Variants in MCM3AP observed in about 807,000 individuals in gnomAD.
MCM3AP encodes minichromosome maintenance complex component 3 associated protein.
In MCM3AP, 126 loss-of-function variants were observed where a neutral mutation model predicts 184.1. The observed-to-expected ratio is 0.68, with a 90% CI of 0.59 to 0.79. The LOEUF is 0.79. Ranked by LOEUF, MCM3AP falls within the 30% of genes least tolerant of loss-of-function variation. The pLI is 0.00. For synonymous variants in MCM3AP, 1,002 were observed against 979.3 expected (o/e 1.02, Z -0.43); for missense variants, 2,496 against 2,479.2 (o/e 1.01, Z -0.14).
chr21:46,265,528 A>C lies in MCM3AP; in HGVS notation c.3032-5T>G. ...ACTCCTCTCCTCTCCCTCCGCCTGGAAGGAAACATACAGGACAAAACATAG... is the reference window on the plus strand; with the variant it reads ...ACTCCTCTCCTCTCCCTCCGCCTGGCAGGAAACATACAGGACAAAACATAG... On this transcript the variant is annotated splice_polypyrimidine_tract_variant and splice_region_variant and intron_variant, in intron 11 of 27. Coordinates refer to ENST00000291688, the MANE Select transcript of MCM3AP (RefSeq NM_003906.5). The C allele has an allele frequency of 6.3e-7, 1 of 1,579,448 alleles. No individual in the cohort carries two copies. Among genetic ancestry groups the C allele is most frequent in the Non-Finnish European group, 8.6e-7 (1 of 1,163,218 alleles).
intron 13 of MCM3AP, 68 bp from the exon 14 acceptor site, chr21:46,261,479 A>T: frequency 6.8e-7 from 1 of 1,469,054 alleles, no homozygotes; most frequent in South Asian, 1.2e-5. Flanking sequence ...TCACGCCTGT[A>T]ATCCCAGCAC....
At position 46,259,010 on chromosome 21, in the gene MCM3AP, G is replaced by A. The variant is rs750493288; in HGVS notation, c.3663C>T (p.Leu1221=). The A allele has an allele frequency of 6.8e-6, 11 of 1,613,956 alleles. No individual in the cohort carries two copies. The highest frequency in any genetic ancestry group is 5.0e-5 in the Admixed American group (3 of 59,972). The part of the protein sequence containing the change: ...DVCAHLVDLF[L]VEEIFQTAKE... ...TTGCAGTCTGGAAGATTTCCTCCAC[G>A]AGAAACAAGTCCACTAAGTGGGCAC... Residue 1221 remains leucine (L), a synonymous_variant, in exon 16 of 28, where the codon CTC becomes CTT. Transcript: ENST00000291688.
At chr21:46,243,004 C>CAAA in intron 24 of MCM3AP, 73 bp from the exon 25 acceptor site, 4 of 1,232,154 alleles carry the variant, frequency 3.2e-6, no homozygotes, top group Non-Finnish European at 4.4e-6. Flanking sequence ...AAAAAACACA[C>CAAA]ACAAAAAAAC....
chr21:46,273,294 T>C (rs1836510685), intron 7 of MCM3AP, 94 bp downstream of exon 7: 4 of 1,240,450 alleles, frequency 3.2e-6, no homozygotes, highest in Non-Finnish European at 4.6e-6. Flanking sequence ...ACATTTTTGT[T>C]ACAGATAAAA....
At chr21:46,242,145 G>C (rs934922348) in intron 25 of MCM3AP, 4 of 152,398 alleles carry the variant, frequency 2.6e-5, no homozygotes, top group African/African-American at 9.7e-5. Flanking sequence ...CTTCCTTTCA[G>C]TATTTGTGCC....
chr21:46,260,949 T>A, intron 14 of MCM3AP, 43 bp from the exon 15 acceptor site: 2 of 1,430,676 alleles, frequency 1.4e-6, no homozygotes, highest in Non-Finnish European at 2.0e-6. Context: ...TGTTTAAGAA[T>A]AAAAATAAGT....
chr21:46,271,615 T>G (rs1408133476), intron 8 of MCM3AP, among the ~76,000 whole-genome samples: 1 of 151,940 alleles, frequency 6.6e-6, no homozygotes, highest in Non-Finnish European at 1.5e-5. Flanking sequence ...TCCCAGCACT[T>G]TGGGAGGCCG....
intron 26 of MCM3AP, among the ~76,000 whole-genome samples, chr21:46,240,501 A>G (rs1465758989): frequency 6.6e-6 from 1 of 152,206 alleles, no homozygotes; most frequent in Non-Finnish European, 1.5e-5. Context: ...GTGGCCAGCC[A>G]TAGTGTTCAG....
chr21:46,273,408 G>A lies in MCM3AP; in HGVS notation c.2176C>T (p.Arg726Cys), dbSNP rs2081210674. ...LRDWYDFVWN[R>C]TRGIRKDITQ... ...AATACCTTCCGTATGCCACGCGTGC[G>A]GTTCCACACGAAGTCATACCAATCC... is the stretch of plus-strand genomic sequence containing the variant. The change falls in exon 7 of 28, where the codon CGC becomes TGC. Residue 726 changes from arginine to cysteine, a missense_variant. Transcript: ENST00000291688. 1.9e-6 allele frequency: 3 copies of A among 1,613,980 alleles called. No homozygotes were observed. Among genetic ancestry groups the A allele is most frequent in the South Asian group, 1.1e-5 (1 of 91,076 alleles).
chr21:46,265,855 C>T lies in MCM3AP; in HGVS notation c.3031+70G>A, dbSNP rs559006687. On this transcript the variant is annotated intron_variant, in intron 11 of 27. Coordinates refer to ENST00000291688, the MANE Select transcript of MCM3AP (RefSeq NM_003906.5). ...GTCCTGGCGAGAAAATGCAGATGCC[C>T]AGGCTCCTGGGAGGCGTTCTGGTGG... is the stretch of plus-strand genomic sequence containing the variant. 84 of 1,495,038 alleles carry T rather than the reference C, an allele frequency of 5.6e-5. 1 individual carries two copies. The South Asian group carries it at 1.0e-3, about 18-fold the overall frequency. The allele number at this position is 1,495,038 out of a possible 1,614,324, so 92.6% of individuals were successfully genotyped here.
At position 46,266,102 on chromosome 21, in the gene MCM3AP, C is replaced by G; in HGVS notation, c.2854G>C (p.Val952Leu). 1 of 1,612,646 alleles carries G rather than the reference C, an allele frequency of 6.2e-7. No homozygotes were observed. Residue 952 changes from valine (V) to leucine (L), a missense_variant, in exon 11 of 28, where the codon GTG becomes CTG. Val to Leu is a conservative substitution (Grantham distance 32, BLOSUM62 1). Transcript: ENST00000291688. ...PEGLSKTRKSVFITRKLTVSV... is the reference protein window; with the variant it reads ...PEGLSKTRKSLFITRKLTVSV... ...ACCGTCAGCTTCCTAGTAATAAACA[C>G]CGACTTCCTGGTCTTGGATAATCCC...
chr21:46,282,368 T>C (rs1225791347), intron 2 of MCM3AP, among the ~76,000 whole-genome samples: 1 of 152,174 alleles, frequency 6.6e-6, no homozygotes, highest in Non-Finnish European at 1.5e-5. Context: ...CCACTCAATG[T>C]AGTATCATTC....
At chr21:46,249,518 C>T (rs1306862372) in intron 20 of MCM3AP, 1 of 434,726 alleles carries the variant, frequency 2.3e-6, no homozygotes, top group African/African-American at 2.1e-5. Context: ...TATAATTTTA[C>T]AAACGTAGCT....
chr21:46,279,664 A>C (rs1450716800), intron 4 of MCM3AP, among the ~76,000 whole-genome samples: 1 of 152,202 alleles, frequency 6.6e-6, no homozygotes, highest in Non-Finnish European at 1.5e-5. Flanking sequence ...GCCCCAAAGG[A>C]AGGCTTTCTC....
chr21:46,256,552 T>A (rs2080952227), intron 17 of MCM3AP: 5 of 551,512 alleles, frequency 9.1e-6, no homozygotes, highest in Middle Eastern at 4.7e-4. Context: ...GGACGCTGAG[T>A]CTTTCAAGGT....
intron 19 of MCM3AP, 188 bp from the exon 20 acceptor site, chr21:46,251,870 C>A: frequency 8.2e-6 from 3 of 367,930 alleles, no homozygotes; most frequent in Middle Eastern, 8.6e-4. Flanking sequence ...GAGCAACGAT[C>A]TGTACTCGTT....
Position 46,260,885 on chromosome 21 carries a change from C to T in MCM3AP, c.3489G>A (p.Leu1163=), listed in dbSNP as rs369571762. ...GGCCCTGGCTCAGCTCACTTAACAC[C>T]AGCTCTCTCTCTTGTTTCAACCTAC... is the stretch of plus-strand genomic sequence containing the variant. ...EEERLKQERE[L]VLSELSQGLA... is the part of the protein sequence containing the mutation. Residue 1163 remains leucine, a synonymous_variant, in exon 15 of 28, where the codon CTG becomes CTA. Transcript: ENST00000291688. 4 of 1,613,374 alleles carry T rather than the reference C, an allele frequency of 2.5e-6. No individual in the cohort carries two copies. The highest frequency in any genetic ancestry group is 3.4e-6 in the Non-Finnish European group (4 of 1,179,284).
intron 15 of MCM3AP, chr21:46,259,381 G>A (rs953260938): frequency 5.0e-5 from 12 of 237,918 alleles, no homozygotes; most frequent in African/African-American, 1.6e-4. Context: ...ACGTGAAGCC[G>A]GGAGGCAGAG....
intron 17 of MCM3AP, among the ~76,000 whole-genome samples, chr21:46,255,970 C>T (rs985169506): frequency 6.6e-6 from 1 of 152,190 alleles, no homozygotes; most frequent in Non-Finnish European, 1.5e-5. Context: ...ACTGCCACCC[C>T]ACTGCCGGCG....
Sources: gnomAD v4.1 joint callset for allele counts (sites outside exome capture counted in the v4.1 genomes callset) on GRCh38, gnomAD v4.1.1 for gene constraint, MANE v1.5 for transcripts, NCBI Gene and HGNC (gene_info 2026-07-23, HGNC 2026-07-21) for gene names.